Variants in RABGAP1L observed in about 807,000 individuals in gnomAD.
RABGAP1L encodes RAB GTPase activating protein 1 like.
Under a neutral mutation model 137.7 loss-of-function variants are expected in RABGAP1L, and 63 were observed. The observed-to-expected ratio is 0.46, with a 90% CI of 0.37 to 0.56. The LOEUF (loss-of-function observed/expected upper bound fraction) is 0.56. Ranked by LOEUF, RABGAP1L falls within the 20% of genes least tolerant of loss-of-function variation. RABGAP1L has a pLI of 0.00. For missense variants in RABGAP1L, 1,095 were observed against 1,244.0 expected, an observed-to-expected ratio of 0.88 and a Z score of 1.80; for synonymous variants, 431 against 433.7, an observed-to-expected ratio of 0.99 and a Z score of 0.08.
intron 10 of RABGAP1L, among the ~76,000 whole-genome samples, chr1:174,292,822 T>C (rs1676758095): frequency 1.3e-5 from 2 of 152,198 alleles, no homozygotes; most frequent in African/African-American, 2.4e-5. Flanking sequence ...TCTATGACTA[T>C]TACTGTAAGC....
chr1:174,201,322 G>C (rs977635106), intron 1 of RABGAP1L, among the ~76,000 whole-genome samples: 3 of 147,956 alleles, frequency 2.0e-5, no homozygotes, highest in African/African-American at 7.5e-5. Context: ...TCAGCCTCCC[G>C]AGTAGCTGGG....
chr1:174,171,721 C>T (rs979170644), intron 1 of RABGAP1L, among the ~76,000 whole-genome samples: 4 of 147,502 alleles, frequency 2.7e-5, no homozygotes, highest in Non-Finnish European at 6.0e-5. Context: ...AAAAGGATTT[C>T]GCTGGGTGTG....
intron 13 of RABGAP1L, among the ~76,000 whole-genome samples, chr1:174,599,462 C>T (rs898255865): frequency 6.6e-6 from 1 of 152,130 alleles, no homozygotes; most frequent in Admixed American, 6.5e-5. Flanking sequence ...TTTCTTTTTG[C>T]CCATTAACAT....
intron 6 of RABGAP1L, among the ~76,000 whole-genome samples, chr1:174,251,140 T>A (rs926677350): frequency 1.3e-5 from 2 of 152,224 alleles, no homozygotes; most frequent in African/African-American, 2.4e-5. Flanking sequence ...ATACTGATAC[T>A]GTAGAAAATT....
At chr1:174,166,183 A>G (rs139520595) in intron 1 of RABGAP1L, among the ~76,000 whole-genome samples, 275 of 152,328 alleles carry the variant, frequency 1.8e-3, no homozygotes, top group Middle Eastern at 0.014. Context: ...TACCAATCCT[A>G]AAAGTGTTGG....
At chr1:174,464,363 A>G (rs1316286535) in intron 13 of RABGAP1L, among the ~76,000 whole-genome samples, 1 of 152,160 alleles carries the variant, frequency 6.6e-6, no homozygotes, top group Non-Finnish European at 1.5e-5. Flanking sequence ...CAGGAATTAA[A>G]CTATCATCCT....
chr1:174,415,077 A>T (rs1650393735), intron 13 of RABGAP1L, among the ~76,000 whole-genome samples: 1 of 152,138 alleles, frequency 6.6e-6, no homozygotes, highest in African/African-American at 2.4e-5. Context: ...ATCTTTTTAG[A>T]CTTTAAAGCT....
intron 11 of RABGAP1L, among the ~76,000 whole-genome samples, chr1:174,324,814 A>G (rs573800312): frequency 3.3e-5 from 5 of 152,234 alleles, no homozygotes; most frequent in African/African-American, 1.2e-4. Context: ...GGTGTTGTCA[A>G]ATAAACAAGG....
rs189931517 is a variant in RABGAP1L, at chr1:174,635,967, A to C, written c.1711-1408A>C. 2.1e-4 allele frequency among the ~76,000 whole-genome samples: 32 copies of C among 152,300 alleles called. 1 individual carries two copies. In the East Asian group the frequency reaches 5.4e-3, roughly 26 times the overall value. On this transcript the variant is annotated intron_variant, in intron 13 of 25. Coordinates refer to ENST00000681986, the MANE Select transcript of RABGAP1L (RefSeq NM_001366446.1). ...TTTCTTGATTTGAGACTGAAGAGAA[A>C]GTTTCTTCAAATCTTTATGGAAATA...
At chr1:174,929,837 A>C (rs1209049391) in intron 19 of RABGAP1L, among the ~76,000 whole-genome samples, 1 of 142,978 alleles carries the variant, frequency 7.0e-6, no homozygotes, top group Non-Finnish European at 1.5e-5. Flanking sequence ...CTGATTTTAA[A>C]GCAAAATTTA....
intron 18 of RABGAP1L, among the ~76,000 whole-genome samples, chr1:174,771,445 T>C (rs1380911234): frequency 6.6e-6 from 1 of 152,198 alleles, no homozygotes; most frequent in African/African-American, 2.4e-5. Context: ...TTTAAGTGCT[T>C]GGCTAAATTT....
At chr1:174,873,349 A>G (rs1280819304) in intron 19 of RABGAP1L, among the ~76,000 whole-genome samples, 2 of 151,358 alleles carry the variant, frequency 1.3e-5, no homozygotes, top group Non-Finnish European at 3.0e-5. Context: ...GATTACAGGC[A>G]TGAGCCACCG....
chr1:174,409,558 C>T (rs931455379), intron 13 of RABGAP1L, among the ~76,000 whole-genome samples: 8 of 152,186 alleles, frequency 5.3e-5, no homozygotes, highest in South Asian at 2.1e-4. Flanking sequence ...TGACTGCCTG[C>T]GGGGTCGGGC....
chr1:174,398,639 AC>A (rs1648173451), intron 13 of RABGAP1L, among the ~76,000 whole-genome samples: 1 of 152,202 alleles, frequency 6.6e-6, no homozygotes, highest in Admixed American at 6.5e-5. Flanking sequence ...TAAGCACCAA[AC>A]AACAACTCCA....
intron 13 of RABGAP1L, among the ~76,000 whole-genome samples, chr1:174,455,661 A>G (rs148429794): frequency 4.2e-4 from 64 of 152,270 alleles, no homozygotes; most frequent in Middle Eastern, 3.4e-3. Flanking sequence ...GTATTTTTAT[A>G]GAAATAACAT....
At chr1:174,424,203 A>C (rs1156373446) in intron 13 of RABGAP1L, among the ~76,000 whole-genome samples, 2 of 152,106 alleles carry the variant, frequency 1.3e-5, no homozygotes, top group Non-Finnish European at 1.5e-5. Context: ...AGAGTTATAA[A>C]ATTCCTGTCT....
chr1:174,393,896 C>T, intron 12 of RABGAP1L, 99 bp from the exon 13 acceptor site: 1 of 1,365,332 alleles, frequency 7.3e-7, no homozygotes, highest in African/African-American at 1.5e-5. Context: ...TCTCTTGACC[C>T]AAGCTTACAC....
chr1:174,568,728 T>C (rs1358047706), intron 13 of RABGAP1L, among the ~76,000 whole-genome samples: 1 of 152,208 alleles, frequency 6.6e-6, no homozygotes, highest in Non-Finnish European at 1.5e-5. Flanking sequence ...TAAGTGTGTG[T>C]ACATGTTTGT....
chr1:174,416,687 A>G (rs1650632958), intron 13 of RABGAP1L, among the ~76,000 whole-genome samples: 1 of 152,146 alleles, frequency 6.6e-6, no homozygotes, highest in Non-Finnish European at 1.5e-5. Context: ...TTAAAAATCT[A>G]ACCATTACTG....
Sources: allele counts gnomAD v4.1 joint callset (sites outside exome capture counted in the v4.1 genomes callset), GRCh38; gene constraint gnomAD v4.1.1; transcripts MANE v1.5; gene names NCBI Gene and HGNC (gene_info 2026-07-23, HGNC 2026-07-21).